The following PRKD1 variants were observed in gnomAD, a reference collection of about 807,000 sequenced individuals.
PRKD1 encodes the protein protein kinase D1.
In PRKD1, 63 loss-of-function variants were observed where a neutral mutation model predicts 95.9. The ratio of observed to expected loss-of-function variants is 0.66; its 90% CI spans 0.54 to 0.81. The LOEUF (loss-of-function observed/expected upper bound fraction) is 0.81. Ranked by LOEUF, PRKD1 falls within the 30% of genes least tolerant of loss-of-function variation. The pLI, the probability that PRKD1 is intolerant of heterozygous loss-of-function variation, is 0.00. For missense variants in PRKD1, 1,048 were observed against 1,165.3 expected (o/e 0.90, Z 1.47); for synonymous variants, 425 against 423.1 (o/e 1.00, Z -0.05).
intron 1 of PRKD1, among the ~76,000 whole-genome samples, chr14:29,919,729 G>A (rs572349689): frequency 8.2e-5 from 12 of 145,704 alleles, no homozygotes; most frequent in South Asian, 2.1e-4. Flanking sequence ...TTGGAAGGCC[G>A]AAGCAGGTGG....
At chr14:29,604,748 T>C (rs1043080833) in intron 13 of PRKD1, among the ~76,000 whole-genome samples, 1 of 152,160 alleles carries the variant, frequency 6.6e-6, no homozygotes, top group Non-Finnish European at 1.5e-5. Flanking sequence ...ACTTACCTGA[T>C]AGAGAATAAA....
chr14:29,755,733 T>C (rs1448511890), intron 1 of PRKD1, among the ~76,000 whole-genome samples: 1 of 152,200 alleles, frequency 6.6e-6, no homozygotes, highest in Non-Finnish European at 1.5e-5. Flanking sequence ...ATTGTTAACT[T>C]TGTAGCCTTT....
chr14:29,856,907 G>A (rs1321991274), intron 1 of PRKD1, among the ~76,000 whole-genome samples: 3 of 152,124 alleles, frequency 2.0e-5, no homozygotes, highest in Non-Finnish European at 2.9e-5. Context: ...AAAACAGCTC[G>A]AGCCTAACAA....
At chr14:29,818,932 G>A (rs1890799460) in intron 1 of PRKD1, among the ~76,000 whole-genome samples, 1 of 151,718 alleles carries the variant, frequency 6.6e-6, no homozygotes, top group Non-Finnish European at 1.5e-5. Context: ...CTAACTACCA[G>A]TTAGTTTAAG....
rs574016001 is a variant in PRKD1 at position 29,699,442 on chromosome 14, A to G, written c.403+26094T>C. The stretch of plus-strand genomic sequence containing the variant: ...AATTGCGTATTCATCTTCCATTTGT[A>G]TTCACATATTTTTAGTTCTTCTGTA... On this transcript the variant is annotated intron_variant, in intron 2 of 17. Coordinates refer to ENST00000331968, the MANE Select transcript of PRKD1 (RefSeq NM_002742.3). Among the ~76,000 whole-genome samples the G allele has an allele frequency of 3.3e-5, 5 of 152,138 alleles. No homozygotes were observed. The South Asian group carries it at 1.0e-3, about 32-fold the overall frequency.
At chr14:29,894,256 A>G (rs1162908044) in intron 1 of PRKD1, among the ~76,000 whole-genome samples, 3 of 152,218 alleles carry the variant, frequency 2.0e-5, no homozygotes, top group Non-Finnish European at 2.9e-5. Context: ...CTGAAAGGCA[A>G]CTGTCAAAGC....
chr14:29,862,786 T>C (rs1351547411), intron 1 of PRKD1, among the ~76,000 whole-genome samples: 1 of 152,170 alleles, frequency 6.6e-6, no homozygotes, highest in East Asian at 1.9e-4. Context: ...AGATGGGTCA[T>C]TTGCAAATAT....
chr14:29,712,585 G>A (rs1594450961), intron 2 of PRKD1, among the ~76,000 whole-genome samples: 1 of 152,102 alleles, frequency 6.6e-6, no homozygotes, highest in East Asian at 1.9e-4. Context: ...AGTCAGCACT[G>A]GTAGCAGACT....
intron 2 of PRKD1, among the ~76,000 whole-genome samples, chr14:29,673,108 G>T (rs1388381269): frequency 6.6e-6 from 1 of 152,112 alleles, no homozygotes; most frequent in African/African-American, 2.4e-5. Flanking sequence ...AAGCAGCAAC[G>T]CCTCCTGCCA....
At chr14:29,907,649 C>A (rs1894539353) in intron 1 of PRKD1, among the ~76,000 whole-genome samples, 1 of 152,136 alleles carries the variant, frequency 6.6e-6, no homozygotes, top group Non-Finnish European at 1.5e-5. Context: ...CCAAAGACAG[C>A]TCTACAGTAC....
intron 16 of PRKD1, among the ~76,000 whole-genome samples, chr14:29,584,934 G>A (rs1340908107): frequency 6.6e-6 from 1 of 152,046 alleles, no homozygotes. Flanking sequence ...ATTTTCCCCC[G>A]ACTTCTCTCC....
chr14:29,915,176 C>T (rs1182222680), intron 1 of PRKD1, among the ~76,000 whole-genome samples: 2 of 152,100 alleles, frequency 1.3e-5, no homozygotes, highest in African/African-American at 2.4e-5. Context: ...ATGGTCTTAC[C>T]ATAATCTCTT....
chr14:29,626,879 T>A (rs1336678645), intron 11 of PRKD1, among the ~76,000 whole-genome samples: 3 of 152,038 alleles, frequency 2.0e-5, no homozygotes, highest in Non-Finnish European at 4.4e-5. Context: ...CACGCCCAGC[T>A]AATTTTTGTA....
At chr14:29,818,253 G>A (rs1428096358) in intron 1 of PRKD1, among the ~76,000 whole-genome samples, 2 of 152,164 alleles carry the variant, frequency 1.3e-5, no homozygotes, top group Non-Finnish European at 2.9e-5. Context: ...AGCTGAGATG[G>A]CAGAACAGAT....
chr14:29,663,538 G>A (rs1392516224), intron 4 of PRKD1, among the ~76,000 whole-genome samples, 161 bp downstream of exon 4: 2 of 152,168 alleles, frequency 1.3e-5, no homozygotes, highest in Non-Finnish European at 2.9e-5. Flanking sequence ...GATATTTGAT[G>A]AGACACTGAC....
At chr14:29,755,844 C>T (rs930610648) in intron 1 of PRKD1, among the ~76,000 whole-genome samples, 1 of 152,132 alleles carries the variant, frequency 6.6e-6, no homozygotes, top group African/African-American at 2.4e-5. Flanking sequence ...TTTGTTTAAA[C>T]TTGACTTTCT....
intron 13 of PRKD1, among the ~76,000 whole-genome samples, chr14:29,614,820 G>C (rs1362226209): frequency 6.6e-6 from 1 of 150,458 alleles, no homozygotes; most frequent in Non-Finnish European, 1.5e-5. Flanking sequence ...CTCCTGTGTA[G>C]GTGGGACTAC....
chr14:29,906,265 G>A, intron 1 of PRKD1, among the ~76,000 whole-genome samples: 1 of 152,158 alleles, frequency 6.6e-6, no homozygotes, highest in Non-Finnish European at 1.5e-5. Context: ...TAGGCTGGGT[G>A]TAGTAGGCCA....
chr14:29,836,309 T>C (rs759525696), intron 1 of PRKD1, among the ~76,000 whole-genome samples: 11 of 152,176 alleles, frequency 7.2e-5, no homozygotes, highest in Admixed American at 1.3e-4. Context: ...AACCATTAAG[T>C]CTGAAGTCAC....
Sources: gnomAD v4.1 joint callset for allele counts (sites outside exome capture counted in the v4.1 genomes callset) on GRCh38, gnomAD v4.1.1 for gene constraint, MANE v1.5 for transcripts, NCBI Gene and HGNC (gene_info 2026-07-23, HGNC 2026-07-21) for gene names.